The following ILDR1 variants were observed in gnomAD, a reference collection of about 807,000 sequenced individuals.
ILDR1 encodes the protein immunoglobulin like domain containing receptor 1.
A neutral mutation model predicts 62.4 loss-of-function variants in ILDR1; 56 were observed. The ratio of observed to expected loss-of-function variants is 0.90; its 90% CI spans 0.72 to 1.12. ILDR1 has a LOEUF of 1.12. ILDR1 is among the 50% of genes most tolerant of loss of function. ILDR1 has a pLI of 0.00. For missense variants in ILDR1, 736 were observed against 710.6 expected (o/e 1.04, Z -0.41); for synonymous variants, 284 against 277.8 (o/e 1.02, Z -0.22).
rs781450888 is a variant in ILDR1 at position 121,993,476 on chromosome 3, G to A, written c.1273C>T (p.Pro425Ser). Residue 425 changes from proline (P) to serine (S), a missense_variant, in exon 7 of 8, where the codon CCC becomes TCC. Physicochemically the swap from Pro to Ser is moderately conservative, Grantham distance 74 (BLOSUM62 -1). Transcript: ENST00000344209. ...CGCCAGCGTGCCTCACTGGATGAGG[G>A]GACATCGCTTAGGCTGTCCCTGTCT... Reference protein sequence around the residue: ...WSDRDSLSDVPSSSEARWRPS... With the variant: ...WSDRDSLSDVSSSSEARWRPS... The A allele has an allele frequency of 1.9e-6, 3 of 1,614,230 alleles. No individual in the cohort carries two copies. Among genetic ancestry groups the A allele is most frequent in the East Asian group, 2.2e-5 (1 of 44,882 alleles).
the ILDR1 span, among the ~76,000 whole-genome samples, chr3:122,046,119 G>A: frequency 6.6e-6 from 1 of 151,286 alleles, no homozygotes; most frequent in African/African-American, 2.4e-5. Context: ...GCCTAGTGGT[G>A]ACAAAATCTC....
chr3:122,050,073 G>A, the ILDR1 span, among the ~76,000 whole-genome samples: 46 of 152,248 alleles, frequency 3.0e-4, no homozygotes, highest in East Asian at 8.5e-3. Flanking sequence ...TCTTTTGTAG[G>A]TATGGCTACT....
chr3:122,016,873 A>G (rs369539631), intron 1 of ILDR1, among the ~76,000 whole-genome samples: 1 of 152,214 alleles, frequency 6.6e-6, no homozygotes, highest in African/African-American at 2.4e-5. Flanking sequence ...CACCCAAAAT[A>G]GAAAAGAAGG....
intron 1 of ILDR1, chr3:122,007,367 G>A: frequency 9.5e-7 from 1 of 1,048,894 alleles, no homozygotes; most frequent in Admixed American, 2.2e-5. Flanking sequence ...AGGGACATAG[G>A]AAGAAAGGAG....
At chr3:122,000,783 A>G (rs2071510895) in intron 5 of ILDR1, among the ~76,000 whole-genome samples, 1 of 152,178 alleles carries the variant, frequency 6.6e-6, no homozygotes, top group Admixed American at 6.5e-5. Flanking sequence ...TTCCAGGTAA[A>G]TAGCATCAGA....
the ILDR1 span, among the ~76,000 whole-genome samples, chr3:122,055,660 G>T: frequency 6.6e-6 from 1 of 152,176 alleles, no homozygotes; most frequent in Non-Finnish European, 1.5e-5. Flanking sequence ...ATAAAGGCAA[G>T]AATTATTTGC....
chr3:121,991,309 A>G (rs1310488933), intron 7 of ILDR1, among the ~76,000 whole-genome samples: 1 of 152,232 alleles, frequency 6.6e-6, no homozygotes, highest in Non-Finnish European at 1.5e-5. Context: ...CACATAATTT[A>G]ACTTACAGAA....
chr3:122,009,154 C>T (rs771332921), intron 1 of ILDR1, among the ~76,000 whole-genome samples: 74 of 151,984 alleles, frequency 4.9e-4, no homozygotes, highest in South Asian at 8.3e-4. Flanking sequence ...TGGTCTTGAA[C>T]TCCTAACCTC....
chr3:122,022,520 A>G (rs1444353215), upstream of ILDR1, among the ~76,000 whole-genome samples: 1 of 152,172 alleles, frequency 6.6e-6, no homozygotes, highest in Non-Finnish European at 1.5e-5. Context: ...TTCCTGCGTT[A>G]TATTTCCATT....
Position 122,005,387 on chromosome 3 carries a change from T to C in ILDR1, c.236A>G (p.Gln79Arg). The change falls in exon 3 of 8, where the codon CAG (glutamine) becomes CGG (arginine). Residue 79 changes from glutamine (Q) to arginine (R), a missense_variant. Physicochemically the swap from Gln to Arg is conservative, Grantham distance 43. Coordinates refer to ENST00000344209, the MANE Select transcript of ILDR1 (RefSeq NM_001199799.2). The stretch of plus-strand genomic sequence containing the variant: ...GTCCTGGCCCAGGGATAAAGCTGCC[T>C]GGTATGCTGAGGAGAGAGGGCACAC... ...PIFDYYSASY[Q>R]AALSLGQDPS... 6.2e-7 allele frequency: 1 copy of C among 1,614,140 alleles called. No homozygotes were observed. The highest frequency in any genetic ancestry group is 1.7e-5 in the Admixed American group (1 of 60,020).
intron 2 of ILDR1, among the ~76,000 whole-genome samples, chr3:122,005,906 AAAAC>A (rs1244837044): frequency 2.1e-5 from 3 of 145,608 alleles, no homozygotes; most frequent in South Asian, 2.3e-4. Flanking sequence ...TCTCAAAACA[AAAAC>A]AAAAACAAAA....
chr3:122,027,838 G>A, the ILDR1 span, among the ~76,000 whole-genome samples: 4 of 152,118 alleles, frequency 2.6e-5, no homozygotes, highest in African/African-American at 7.2e-5. Context: ...ACCTGACAAG[G>A]GGGTTGTGAG....
At chr3:121,991,370 G>A (rs2071343744) in intron 7 of ILDR1, among the ~76,000 whole-genome samples, 1 of 152,154 alleles carries the variant, frequency 6.6e-6, no homozygotes. Context: ...TAGATTTGGG[G>A]CCCAAAACTG....
At chr3:122,012,253 G>A (rs1019703422) in intron 1 of ILDR1, among the ~76,000 whole-genome samples, 14 of 152,194 alleles carry the variant, frequency 9.2e-5, no homozygotes, top group South Asian at 2.1e-4. Context: ...AAAGAGAAAC[G>A]TCCTGATTGT....
At chr3:122,044,387 T>C in the ILDR1 span, among the ~76,000 whole-genome samples, 1 of 135,962 alleles carries the variant, frequency 7.4e-6, no homozygotes, top group East Asian at 2.0e-4. Flanking sequence ...TCTTTTTTGG[T>C]TGTGTCTCTG....
intron 3 of ILDR1, 50 bp from the exon 4 acceptor site, chr3:122,001,914 G>A (rs750659561): frequency 6.2e-7 from 1 of 1,607,678 alleles, no homozygotes; most frequent in African/African-American, 1.3e-5. Context: ...GAGAGCACTG[G>A]TTTCTAACCC....
At chr3:121,988,476 A>G in intron 7 of ILDR1, 68 bp from the exon 8 acceptor site, 2 of 1,255,292 alleles carry the variant, frequency 1.6e-6, no homozygotes, top group East Asian at 4.6e-5. Context: ...CATGTAACAC[A>G]TAATGTGCTC....
the ILDR1 span, among the ~76,000 whole-genome samples, chr3:122,030,947 C>T: frequency 6.6e-6 from 1 of 152,078 alleles, no homozygotes; most frequent in African/African-American, 2.4e-5. Context: ...TAGGGCATTC[C>T]CCAGGGCAGC....
the ILDR1 span, chr3:122,055,254 G>C: frequency 1.2e-5 from 6 of 492,892 alleles, no homozygotes; most frequent in South Asian, 2.1e-4. Context: ...CTACGTCAAT[G>C]AGTTTAAACT....
Sources: gnomAD v4.1 joint callset for allele counts (sites outside exome capture counted in the v4.1 genomes callset) on GRCh38, gnomAD v4.1.1 for gene constraint, MANE v1.5 for transcripts, NCBI Gene and HGNC (gene_info 2026-07-23, HGNC 2026-07-21) for gene names.